The following CTNNA3 variants were observed in gnomAD, a reference collection of about 807,000 sequenced individuals.
The protein encoded by CTNNA3 is catenin alpha 3.
A neutral mutation model predicts 95.7 loss-of-function variants in CTNNA3; 76 were observed. The ratio of observed to expected loss-of-function variants is 0.79; its 90% CI spans 0.66 to 0.96. The LOEUF (loss-of-function observed/expected upper bound fraction) is 0.96, where lower values mean the gene tolerates loss of function less well. Among genes scored for constraint, CTNNA3 ranks in the 40% least tolerant of loss-of-function variants. CTNNA3 has a pLI of 0.00. For missense variants in CTNNA3, 1,191 were observed against 1,089.8 expected, an observed-to-expected ratio of 1.09 and a Z score of -1.31; for synonymous variants, 431 against 374.4, an observed-to-expected ratio of 1.15 and a Z score of -1.74.
intron 1 of CTNNA3, among the ~76,000 whole-genome samples, chr10:67,731,426 A>C (rs1413083070): frequency 6.6e-6 from 1 of 152,142 alleles, no homozygotes; most frequent in Non-Finnish European, 1.5e-5. Context: ...GGTTGCAGTG[A>C]GCCGAGATCG....
At chr10:67,693,035 G>A (rs1049817440) in intron 1 of CTNNA3, among the ~76,000 whole-genome samples, 4 of 152,176 alleles carry the variant, frequency 2.6e-5, no homozygotes, top group Non-Finnish European at 5.9e-5. Flanking sequence ...AAAAGAGGTG[G>A]GGAGGGTGCC....
intron 9 of CTNNA3, among the ~76,000 whole-genome samples, chr10:66,728,951 T>C (rs537110878): frequency 1.3e-5 from 2 of 152,324 alleles, no homozygotes; most frequent in South Asian, 2.1e-4. Flanking sequence ...GGTGTCCAGC[T>C]TCAATTTTCT....
intron 5 of CTNNA3, among the ~76,000 whole-genome samples, chr10:67,434,205 A>C (rs1018607413): frequency 3.9e-5 from 6 of 152,108 alleles, no homozygotes; most frequent in African/African-American, 1.2e-4. Flanking sequence ...TTGAATCCTA[A>C]GTGTTTCTGT....
intron 13 of CTNNA3, among the ~76,000 whole-genome samples, chr10:66,191,331 T>C (rs538201188): frequency 3.9e-5 from 6 of 152,218 alleles, no homozygotes; most frequent in Admixed American, 1.3e-4. Flanking sequence ...GTCTCCATGG[T>C]CCTGTGTTTC....
intron 9 of CTNNA3, among the ~76,000 whole-genome samples, chr10:66,650,692 C>T (rs1331948122): frequency 6.6e-6 from 1 of 152,132 alleles, no homozygotes; most frequent in Non-Finnish European, 1.5e-5. Context: ...AATGAAGCTG[C>T]AGACCTTCCT....
At chr10:67,087,644 T>C (rs1857380199) in intron 7 of CTNNA3, among the ~76,000 whole-genome samples, 1 of 152,028 alleles carries the variant, frequency 6.6e-6, no homozygotes, top group Admixed American at 6.6e-5. Context: ...GCCATGTGCC[T>C]CATCATTAGT....
chr10:67,493,422 C>T (rs1463791980), intron 5 of CTNNA3, among the ~76,000 whole-genome samples: 2 of 151,854 alleles, frequency 1.3e-5, no homozygotes, highest in African/African-American at 4.8e-5. Flanking sequence ...ATTAGCTGGG[C>T]GTGGTGGCAC....
chr10:67,310,309 C>A (rs917863071), intron 5 of CTNNA3, among the ~76,000 whole-genome samples: 6 of 152,102 alleles, frequency 3.9e-5, no homozygotes, highest in Non-Finnish European at 8.8e-5. Flanking sequence ...TAAATTACTA[C>A]CCCTAAGTAA....
chr10:67,703,829 T>C (rs1451936864), intron 1 of CTNNA3, among the ~76,000 whole-genome samples: 3 of 152,152 alleles, frequency 2.0e-5, no homozygotes, highest in Non-Finnish European at 4.4e-5. Context: ...AAAGAGGAAG[T>C]CAAATTGTCC....
At chr10:66,588,572 T>C (rs1335894351) in intron 10 of CTNNA3, among the ~76,000 whole-genome samples, 2 of 152,152 alleles carry the variant, frequency 1.3e-5, no homozygotes, top group Non-Finnish European at 1.5e-5. Flanking sequence ...ATTTGAGAAG[T>C]CTGCTGTTAG....
At chr10:66,399,396 A>C (rs981208470) in intron 11 of CTNNA3, among the ~76,000 whole-genome samples, 4 of 151,932 alleles carry the variant, frequency 2.6e-5, no homozygotes, top group Non-Finnish European at 5.9e-5. Context: ...AAACCACAAG[A>C]GATATATAAT....
chr10:66,409,880 T>C (rs1052420202), intron 11 of CTNNA3, among the ~76,000 whole-genome samples: 3 of 152,296 alleles, frequency 2.0e-5, no homozygotes, highest in East Asian at 1.9e-4. Flanking sequence ...GGAAGTCTTT[T>C]AGAGTGTTCT....
intron 1 of CTNNA3, among the ~76,000 whole-genome samples, chr10:67,727,699 T>C (rs892459038): frequency 7.8e-6 from 1 of 128,132 alleles, no homozygotes; most frequent in African/African-American, 2.9e-5. Context: ...ATATAATAGA[T>C]CATAGATAAT....
intron 7 of CTNNA3, among the ~76,000 whole-genome samples, chr10:66,891,596 C>G (rs1209101261): frequency 1.3e-5 from 2 of 152,100 alleles, no homozygotes; most frequent in African/African-American, 4.8e-5. Context: ...GCTTCTGTAC[C>G]TTTTCCATGA....
At chr10:67,329,828 CA>C (rs34838887) in intron 5 of CTNNA3, among the ~76,000 whole-genome samples, 43 of 152,234 alleles carry the variant, frequency 2.8e-4, no homozygotes, top group Middle Eastern at 3.4e-3. Flanking sequence ...TTTGCTTTCA[CA>C]AAAAAAGTCT....
intron 5 of CTNNA3, among the ~76,000 whole-genome samples, chr10:67,234,066 C>A (rs1413871848): frequency 6.6e-6 from 1 of 152,148 alleles, no homozygotes; most frequent in Admixed American, 6.5e-5. Flanking sequence ...GGATTCACAG[C>A]CGAATTCTAC....
chr10:66,863,962 C>T (rs1844061247), intron 7 of CTNNA3, among the ~76,000 whole-genome samples: 1 of 152,060 alleles, frequency 6.6e-6, no homozygotes, highest in South Asian at 2.1e-4. Context: ...AGGTAATTAA[C>T]AGCTTTTCTG....
intron 5 of CTNNA3, among the ~76,000 whole-genome samples, chr10:67,223,080 C>T (rs138039508): frequency 6.6e-6 from 1 of 151,996 alleles, no homozygotes; most frequent in South Asian, 2.1e-4. Flanking sequence ...TTGACGCCTG[C>T]GAAAAAGGAC....
intron 3 of CTNNA3, among the ~76,000 whole-genome samples, chr10:67,542,545 C>G (rs967577835): frequency 6.6e-6 from 1 of 151,974 alleles, no homozygotes; most frequent in Non-Finnish European, 1.5e-5. Flanking sequence ...GTTGTTCCCT[C>G]TATAAAACAG....
Sources: allele counts gnomAD v4.1 joint callset (sites outside exome capture counted in the v4.1 genomes callset), GRCh38; gene constraint gnomAD v4.1.1; transcripts MANE v1.5; gene names NCBI Gene and HGNC (gene_info 2026-07-23, HGNC 2026-07-21).